The following RPRD2 variants were observed in gnomAD, a reference collection of about 807,000 sequenced individuals.
RPRD2 encodes the protein regulation of nuclear pre-mRNA domain containing 2, also known as regulation of nuclear pre-mRNA domain-containing protein 2.
A neutral mutation model predicts 104.4 loss-of-function variants in RPRD2; 12 were observed. That is an observed-to-expected ratio of 0.11 (90% CI 0.07 to 0.19). The LOEUF is 0.19. Among genes scored for constraint, RPRD2 ranks in the 10% least tolerant of loss-of-function variants. RPRD2 has a pLI of 1.00. For missense variants in RPRD2, 1,543 were observed against 1,790.1 expected, an observed-to-expected ratio of 0.86 and a Z score of 2.49; for synonymous variants, 714 against 684.9, an observed-to-expected ratio of 1.04 and a Z score of -0.66.
chr1:150,448,555 G>C (rs1236508918), intron 7 of RPRD2, among the ~76,000 whole-genome samples: 1 of 152,076 alleles, frequency 6.6e-6, no homozygotes, highest in Non-Finnish European at 1.5e-5. Context: ...CTACTCTAAA[G>C]GTTGAAAAAC....
At chr1:150,395,556 A>T (rs1553884048) in intron 1 of RPRD2, among the ~76,000 whole-genome samples, 1 of 141,580 alleles carries the variant, frequency 7.1e-6, no homozygotes, top group African/African-American at 2.6e-5. Context: ...TCTGTCACCT[A>T]AGCTGGAGTG....
At chr1:150,376,902 A>C (rs1482099546) in intron 1 of RPRD2, among the ~76,000 whole-genome samples, 1 of 151,816 alleles carries the variant, frequency 6.6e-6, no homozygotes, top group Non-Finnish European at 1.5e-5. Flanking sequence ...ACAGAATGAG[A>C]AAATGAACTT....
chr1:150,438,307 A>G (rs1666160916), intron 2 of RPRD2, among the ~76,000 whole-genome samples: 1 of 147,784 alleles, frequency 6.8e-6, no homozygotes, highest in African/African-American at 2.5e-5. Flanking sequence ...AAAAGAAAAA[A>G]AGTCATGCGT....
rs1294132051 is a variant in RPRD2, at chr1:150,471,928, G to A, written c.2980G>A (p.Glu994Lys). The A allele has an allele frequency of 1.9e-6, 3 of 1,613,758 alleles. No homozygotes were observed. Among genetic ancestry groups the A allele is most frequent in the Non-Finnish European group, 2.5e-6 (3 of 1,179,878 alleles). ...GGGTCACCCACCCACGTCAGGCGTGGAGAAAGTCCTGGCCTCCACCATTTC... is the reference window on the plus strand; with the variant it reads ...GGGTCACCCACCCACGTCAGGCGTGAAGAAAGTCCTGGCCTCCACCATTTC... ...PTGHPPTSGV[E>K]KVLASTISTT... The change falls in exon 11 of 11, where the codon GAG (glutamate) becomes AAG (lysine). Residue 994 changes from glutamate to lysine, a missense_variant. Around this residue, in one of 4 missense-constraint regions of RPRD2, gnomAD observed 880 missense variants for 885.6 expected, o/e 0.99. Coordinates refer to ENST00000369068, the MANE Select transcript of RPRD2 (RefSeq NM_015203.5). The surrounding 1 kb of genome is among the most constrained non-coding windows in gnomAD (Gnocchi z 5.3).
At chr1:150,431,052 A>C (rs1665532743) in intron 2 of RPRD2, among the ~76,000 whole-genome samples, 1 of 152,218 alleles carries the variant, frequency 6.6e-6, no homozygotes, top group South Asian at 2.1e-4. Context: ...AGTTATTGTA[A>C]TGAAATTATA....
rs368793957 is a variant in RPRD2, at chr1:150,387,870, G to A, written c.205+22951G>A. Among the ~76,000 whole-genome samples, 35 of 148,348 alleles carry A rather than the reference G, an allele frequency of 2.4e-4. No individual in the cohort carries two copies. The East Asian group carries it at 4.4e-3, about 19-fold the overall frequency. ...CTCCCAAAGTGCTAGGATTACAGGCGTGAGCCACTGCTCCTGGCCATTTTT... is the reference window on the plus strand; with the variant it reads ...CTCCCAAAGTGCTAGGATTACAGGCATGAGCCACTGCTCCTGGCCATTTTT... On this transcript the variant is annotated intron_variant, in intron 1 of 10. Coordinates refer to ENST00000369068, the MANE Select transcript of RPRD2 (RefSeq NM_015203.5).
chr1:150,369,441 A>ATTTTTTTTT (rs58054758), intron 1 of RPRD2, among the ~76,000 whole-genome samples: 12 of 57,498 alleles, frequency 2.1e-4, no homozygotes, highest in African/African-American at 3.4e-4. Flanking sequence ...CACCTGGCTA[A>ATTTTTTTTT]TTTTTTTTTT....
intron 10 of RPRD2, 61 bp downstream of exon 10, chr1:150,464,788 C>A: frequency 7.8e-7 from 1 of 1,285,788 alleles, no homozygotes; most frequent in Non-Finnish European, 1.1e-6. Context: ...TTAAATTAAT[C>A]CTGGATTCCA....
chr1:150,431,833 A>G (rs1553891855), intron 2 of RPRD2, among the ~76,000 whole-genome samples: 1 of 152,086 alleles, frequency 6.6e-6, no homozygotes, highest in Non-Finnish European at 1.5e-5. Context: ...CTTTGATGAC[A>G]TTATGCTAAG....
rs142054405 is a variant in RPRD2 at position 150,366,470 on chromosome 1, T to G, written c.205+1551T>G. Reference sequence around the variant, plus strand: ...ATAACCGATCAAAGAGTTATTTTCTTGCCCAGAGGTAAAATTATAACGTGC... The same window carrying G: ...ATAACCGATCAAAGAGTTATTTTCTGGCCCAGAGGTAAAATTATAACGTGC... On this transcript the variant is annotated intron_variant, in intron 1 of 10. Transcript: ENST00000369068. 8.5e-5 allele frequency among the ~76,000 whole-genome samples: 13 copies of G among 152,354 alleles called. No homozygotes were observed. In the East Asian group the frequency reaches 2.5e-3, roughly 29 times the overall value.
chr1:150,422,531 G>C (rs1464423800), intron 2 of RPRD2, among the ~76,000 whole-genome samples: 1 of 152,012 alleles, frequency 6.6e-6, no homozygotes, highest in African/African-American at 2.4e-5. Flanking sequence ...GAAGTAGGTT[G>C]AGTGTGAGAA....
intron 2 of RPRD2, among the ~76,000 whole-genome samples, chr1:150,426,689 T>C (rs889719846): frequency 1.3e-5 from 2 of 152,056 alleles, no homozygotes; most frequent in Non-Finnish European, 2.9e-5. Flanking sequence ...GAGAATAGAA[T>C]AGTGTTTGCC....
chr1:150,472,532 C>T lies in RPRD2; in HGVS notation c.3584C>T (p.Pro1195Leu), dbSNP rs758391297. The change falls in exon 11 of 11, where the codon CCC becomes CTC. Residue 1195 changes from proline (P) to leucine (L), a missense_variant. Physicochemically the swap from Pro to Leu is moderately conservative, Grantham distance 98 (BLOSUM62 -3). This residue lies in a region of RPRD2 where 880 missense variants were observed against 885.6 expected (regional missense o/e 0.99). Coordinates refer to ENST00000369068, the MANE Select transcript of RPRD2 (RefSeq NM_015203.5). ...AACTCAACATTTGAGCATCATCTTC[C>T]CCCATCCCCCTTGGAACATGGGACA... ...SFNSTFEHHL[P>L]PSPLEHGTPF... is the part of the protein sequence containing the mutation. 7 of 1,613,984 alleles carry T rather than the reference C, an allele frequency of 4.3e-6. No homozygotes were observed. Among genetic ancestry groups the T allele is most frequent in the Admixed American group, 1.7e-5 (1 of 60,030 alleles).
Position 150,473,109 on chromosome 1 carries a change from T to G in RPRD2, c.4161T>G (p.Gly1387=). The change falls in exon 11 of 11, where the codon GGT becomes GGG. Residue 1387 remains glycine, a synonymous_variant. Coordinates refer to ENST00000369068, the MANE Select transcript of RPRD2 (RefSeq NM_015203.5). ...TGGGCCCACCCCATGGAGGAGGAGGTGGGGGAGGCAGCAACAGCAGCAGTG... is the reference window on the plus strand; with the variant it reads ...TGGGCCCACCCCATGGAGGAGGAGGGGGGGGAGGCAGCAACAGCAGCAGTG... ...EHLGPPHGGG[G]GGGSNSSSGP... is the part of the protein sequence containing the mutation. 1 of 1,613,794 alleles carries G rather than the reference T, an allele frequency of 6.2e-7. No homozygotes were observed.
intron 7 of RPRD2, among the ~76,000 whole-genome samples, chr1:150,453,621 A>G (rs1020271641): frequency 6.6e-6 from 1 of 152,184 alleles, no homozygotes; most frequent in Non-Finnish European, 1.5e-5. Context: ...TTTGTCATAT[A>G]GTTCCAATAT....
rs371325426 is a variant in RPRD2, at chr1:150,448,758, C to T, written c.870+2357C>T. Among the ~76,000 whole-genome samples, 30 of 152,326 alleles carry T rather than the reference C, an allele frequency of 2.0e-4. No homozygotes were observed. The South Asian group carries it at 6.0e-3, about 30-fold the overall frequency. Reference sequence around the variant, plus strand: ...GAATTCCCTTTTCCCCCTGGGTCCTCCCTACCTGAATTTTCATTTTCCGTC... The same window carrying T: ...GAATTCCCTTTTCCCCCTGGGTCCTTCCTACCTGAATTTTCATTTTCCGTC... On this transcript the variant is annotated intron_variant, in intron 7 of 10. Transcript: ENST00000369068.
At chr1:150,413,383 C>A (rs1392891448) in intron 1 of RPRD2, among the ~76,000 whole-genome samples, 1 of 149,760 alleles carries the variant, frequency 6.7e-6, no homozygotes, top group African/African-American at 2.5e-5. Context: ...GGCGGATCAC[C>A]TGAGGTCGGG....
At chr1:150,372,540 GT>G (rs1415450306) in intron 1 of RPRD2, among the ~76,000 whole-genome samples, 1 of 146,676 alleles carries the variant, frequency 6.8e-6, no homozygotes, top group African/African-American at 2.5e-5. Flanking sequence ...ATATACTCTA[GT>G]AAGGGGAGAC....
At chr1:150,391,512 A>T (rs1417877943) in intron 1 of RPRD2, among the ~76,000 whole-genome samples, 2 of 152,202 alleles carry the variant, frequency 1.3e-5, no homozygotes, top group Admixed American at 6.5e-5. Flanking sequence ...CCAGAAAAAA[A>T]TCTAAGAGAT....
Sources: gnomAD v4.1 joint callset for allele counts (sites outside exome capture counted in the v4.1 genomes callset) on GRCh38, gnomAD v4.1.1 for gene constraint, gnomAD v4.1.1 regional missense constraint, Gnocchi (gnomAD v3.1) non-coding constraint, MANE v1.5 for transcripts, NCBI Gene and HGNC (gene_info 2026-07-23, HGNC 2026-07-21) for gene names.